WDR70: variants seen among roughly 807,000 people sequenced by gnomAD.
The protein encoded by WDR70 is WD repeat domain 70.
A neutral mutation model predicts 88.6 loss-of-function variants in WDR70; 53 were observed. That is an observed-to-expected ratio of 0.60 (90% CI 0.48 to 0.75). WDR70 has a LOEUF of 0.75. WDR70 is among the 30% of genes least tolerant of loss of function. The probability of loss-of-function intolerance (pLI) is 0.00; values close to 1 mark genes in which losing one functional copy is unlikely to be tolerated. For synonymous variants in WDR70, 280 were observed against 270.0 expected (o/e 1.04, Z -0.36); for missense variants, 610 against 823.2 (o/e 0.74, Z 3.17).
chr5:37,498,018 C>T (rs997428200), intron 8 of WDR70, among the ~76,000 whole-genome samples: 8 of 152,042 alleles, frequency 5.3e-5, no homozygotes, highest in African/African-American at 1.9e-4. Context: ...AGTGGGATTT[C>T]GCCATGTTGT....
At chr5:37,705,685 CTT>C (rs1747302564) in intron 13 of WDR70, among the ~76,000 whole-genome samples, 1 of 151,928 alleles carries the variant, frequency 6.6e-6, no homozygotes, top group Non-Finnish European at 1.5e-5. Flanking sequence ...AAGGTGGACA[CTT>C]TGCTAGAAGA....
chr5:37,508,856 T>C (rs1337790627), intron 8 of WDR70, among the ~76,000 whole-genome samples: 1 of 152,190 alleles, frequency 6.6e-6, no homozygotes, highest in Admixed American at 6.6e-5. Context: ...GAAAAAGTAA[T>C]GTTACGTCTT....
chr5:37,414,280 C>A (rs920266653), intron 5 of WDR70, among the ~76,000 whole-genome samples: 5 of 152,152 alleles, frequency 3.3e-5, no homozygotes, highest in East Asian at 3.9e-4. Context: ...CCTTCTACCC[C>A]CTGGCTTGCT....
At chr5:37,506,869 C>T (rs1330857151) in intron 8 of WDR70, 12 of 1,202,088 alleles carry the variant, frequency 1.0e-5, no homozygotes, top group Non-Finnish European at 1.5e-5. Flanking sequence ...TGCGCTGCCC[C>T]CGGTGGGTCC....
chr5:37,548,140 T>C (rs1431530284), intron 9 of WDR70, among the ~76,000 whole-genome samples: 3 of 152,224 alleles, frequency 2.0e-5, no homozygotes, highest in African/African-American at 7.2e-5. Flanking sequence ...TATTCTGATT[T>C]CCTTTCTTTT....
At chr5:37,418,664 T>C (rs1749838607) in intron 5 of WDR70, among the ~76,000 whole-genome samples, 2 of 152,232 alleles carry the variant, frequency 1.3e-5, no homozygotes, top group African/African-American at 4.8e-5. Context: ...CATAGAACTC[T>C]TGTTCAGTTT....
intron 12 of WDR70, among the ~76,000 whole-genome samples, chr5:37,702,306 A>C (rs1230855851): frequency 6.6e-6 from 1 of 152,210 alleles, no homozygotes; most frequent in Non-Finnish European, 1.5e-5. Flanking sequence ...TTTTTGAGCT[A>C]TTATACCTGC....
intron 7 of WDR70, among the ~76,000 whole-genome samples, chr5:37,475,558 G>A (rs1739455003): frequency 6.6e-6 from 1 of 152,136 alleles, no homozygotes; most frequent in South Asian, 2.1e-4. Context: ...GATTTTCAAG[G>A]CCACTCTGCC....
intron 5 of WDR70, among the ~76,000 whole-genome samples, chr5:37,423,146 A>G (rs1749998676): frequency 6.6e-6 from 1 of 152,176 alleles, no homozygotes; most frequent in African/African-American, 2.4e-5. Flanking sequence ...AATAAATTCA[A>G]AGTAAATTAT....
At chr5:37,726,611 T>C (rs567053623) in intron 16 of WDR70, among the ~76,000 whole-genome samples, 1 of 152,318 alleles carries the variant, frequency 6.6e-6, no homozygotes, top group East Asian at 1.9e-4. Context: ...AGCATATAGA[T>C]GGCAAACTAT....
chr5:37,619,090 T>C (rs1161814760), intron 10 of WDR70, among the ~76,000 whole-genome samples: 1 of 152,220 alleles, frequency 6.6e-6, no homozygotes, highest in African/African-American at 2.4e-5. Flanking sequence ...AAAACGTATT[T>C]GCTCATTCCG....
intron 10 of WDR70, among the ~76,000 whole-genome samples, chr5:37,682,454 G>T (rs1206049788): frequency 1.3e-5 from 2 of 151,730 alleles, no homozygotes; most frequent in African/African-American, 4.8e-5. Flanking sequence ...GTTATTTTTT[G>T]TCTTTTGCTA....
At chr5:37,473,410 C>T (rs1164710661) in intron 7 of WDR70, among the ~76,000 whole-genome samples, 1 of 147,226 alleles carries the variant, frequency 6.8e-6, no homozygotes, top group East Asian at 2.0e-4. Context: ...ATGGCATGAT[C>T]TCGGCTCACT....
chr5:37,533,043 G>GC (rs1741547125), intron 9 of WDR70, among the ~76,000 whole-genome samples: 1 of 152,154 alleles, frequency 6.6e-6, no homozygotes, highest in Non-Finnish European at 1.5e-5. Context: ...TCTGAGTCTA[G>GC]CCGTCCAGTG....
chr5:37,735,989 C>A (rs1748295040), intron 17 of WDR70, among the ~76,000 whole-genome samples: 1 of 152,120 alleles, frequency 6.6e-6, no homozygotes, highest in African/African-American at 2.4e-5. Flanking sequence ...CTGGCCCTAG[C>A]AATGTAACAG....
intron 9 of WDR70, among the ~76,000 whole-genome samples, chr5:37,533,484 C>T (rs561093735): frequency 6.6e-6 from 1 of 150,818 alleles, no homozygotes; most frequent in African/African-American, 2.4e-5. Context: ...ACCACCACCA[C>T]CACCACCACC....
chr5:37,528,635 A>G (rs1287718433), intron 9 of WDR70, among the ~76,000 whole-genome samples: 1 of 152,062 alleles, frequency 6.6e-6, no homozygotes, highest in Non-Finnish European at 1.5e-5. Flanking sequence ...TAATAAAAAA[A>G]AACTATTAAT....
chr5:37,493,138 A>G (rs534383554), intron 8 of WDR70, among the ~76,000 whole-genome samples: 1 of 152,278 alleles, frequency 6.6e-6, no homozygotes, highest in East Asian at 1.9e-4. Flanking sequence ...ACAGAACTGC[A>G]TTAATTTTCT....
intron 13 of WDR70, among the ~76,000 whole-genome samples, chr5:37,703,599 T>C (rs376000130): frequency 1.1e-5 from 1 of 89,164 alleles, no homozygotes; most frequent in African/African-American, 3.1e-5. Flanking sequence ...CAGATTTAAC[T>C]TCAACACCTT....
Sources: gnomAD v4.1 joint callset for allele counts (sites outside exome capture counted in the v4.1 genomes callset) on GRCh38, gnomAD v4.1.1 for gene constraint, MANE v1.5 for transcripts, NCBI Gene and HGNC (gene_info 2026-07-23, HGNC 2026-07-21) for gene names.